The following SIK3 variants were observed in gnomAD, a reference collection of about 807,000 sequenced individuals.
The protein encoded by SIK3 is SIK family kinase 3.
Under a neutral mutation model 144.2 loss-of-function variants are expected in SIK3, and 28 were observed. The observed-to-expected ratio is 0.19, with a 90% CI of 0.14 to 0.27. The LOEUF is 0.27. Among genes scored for constraint, SIK3 ranks in the 10% least tolerant of loss-of-function variants. The pLI is 1.00. For synonymous variants in SIK3, 686 were observed against 676.3 expected (o/e 1.01, Z -0.22); for missense variants, 1,319 against 1,776.0 (o/e 0.74, Z 4.62).
At chr11:116,983,555 A>G (rs1370698417) in intron 1 of SIK3, among the ~76,000 whole-genome samples, 1 of 152,160 alleles carries the variant, frequency 6.6e-6, no homozygotes, top group Non-Finnish European at 1.5e-5. Flanking sequence ...AATAATTTCA[A>G]GAATACATCT....
intron 1 of SIK3, among the ~76,000 whole-genome samples, chr11:117,013,870 A>AG (rs142285414): frequency 0.086 from 9,165 of 106,018 alleles, 705 homozygotes; most frequent in African/African-American, 0.2. Flanking sequence ...GGTCCCCAAA[A>AG]GGACATGGAT....
chr11:117,055,319 A>C (rs1056073755), intron 1 of SIK3, among the ~76,000 whole-genome samples: 1 of 152,228 alleles, frequency 6.6e-6, no homozygotes, highest in Non-Finnish European at 1.5e-5. Context: ...TTAAGCACTT[A>C]GTGTACATGA....
chr11:117,064,604 C>T (rs1953929446), intron 1 of SIK3, among the ~76,000 whole-genome samples: 1 of 152,120 alleles, frequency 6.6e-6, no homozygotes, highest in Non-Finnish European at 1.5e-5. Context: ...CATAATTCTC[C>T]ACTGCTGCCT....
chr11:117,043,267 AAC>A (rs1345425743), intron 1 of SIK3, among the ~76,000 whole-genome samples: 2 of 152,166 alleles, frequency 1.3e-5, no homozygotes, highest in African/African-American at 4.8e-5. Flanking sequence ...TAAAAAAGGA[AAC>A]AGAGTAGTTT....
intron 1 of SIK3, among the ~76,000 whole-genome samples, chr11:116,970,745 G>A (rs1405636507): frequency 6.6e-6 from 1 of 152,078 alleles, no homozygotes; most frequent in East Asian, 1.9e-4. Flanking sequence ...CAAACTCCTG[G>A]CCTCAAGAGA....
chr11:117,032,683 T>C (rs1952316128), intron 1 of SIK3, among the ~76,000 whole-genome samples: 3 of 151,604 alleles, frequency 2.0e-5, no homozygotes, highest in Non-Finnish European at 1.5e-5. Context: ...TCTTTTTTTT[T>C]TTTTTTTAAA....
chr11:116,943,585 C>G (rs780500750), intron 3 of SIK3, among the ~76,000 whole-genome samples: 5 of 152,186 alleles, frequency 3.3e-5, no homozygotes, highest in Non-Finnish European at 5.9e-5. Context: ...AAGACACTCA[C>G]CGAAACCTAG....
At chr11:116,942,254 C>T (rs1416113427) in intron 3 of SIK3, among the ~76,000 whole-genome samples, 2 of 152,152 alleles carry the variant, frequency 1.3e-5, no homozygotes, top group African/African-American at 2.4e-5. Context: ...TTAGACACTA[C>T]ATTAAACAAG....
In SIK3 at chr11:116,858,639, C is replaced by A; in HGVS notation, c.2826G>T (p.Leu942=). ...NYDQAHLHPH[L]FSDQSRGSPS... ...GGGAACCCCGGGACTGGTCCGAAAACAGATGGGGGTGTAAATGCGCCTGGT... is the reference window on the plus strand; with the variant it reads ...GGGAACCCCGGGACTGGTCCGAAAAAAGATGGGGGTGTAAATGCGCCTGGT... The change falls in exon 21 of 25, where the codon CTG becomes CTT. Residue 942 remains leucine (L), a synonymous_variant. Coordinates refer to ENST00000445177, the MANE Select transcript of SIK3 (RefSeq NM_001366686.3). This position sits in a 1 kb window ranked among gnomAD's most constrained non-coding sequence, Gnocchi z 5.4. The A allele has an allele frequency of 6.3e-7, 1 of 1,591,496 alleles. No individual in the cohort carries two copies. Among genetic ancestry groups the A allele is most frequent in the South Asian group, 1.1e-5 (1 of 87,942 alleles).
chr11:117,031,687 ATTTTTTTTTTT>A (rs57524562), intron 1 of SIK3, among the ~76,000 whole-genome samples: 42 of 81,532 alleles, frequency 5.2e-4, no homozygotes, highest in South Asian at 1.1e-3. Flanking sequence ...CACCCGGCTA[ATTTTTTTTTTT>A]TTTTTTTTTT....
intron 4 of SIK3, among the ~76,000 whole-genome samples, chr11:116,910,117 A>G (rs1946258899): frequency 6.6e-6 from 1 of 152,212 alleles, no homozygotes; most frequent in African/African-American, 2.4e-5. Context: ...CACACTAATA[A>G]CTATTTCTCA....
At chr11:117,048,371 TCCAGGCTGG>T (rs1464499024) in intron 1 of SIK3, among the ~76,000 whole-genome samples, 3 of 152,212 alleles carry the variant, frequency 2.0e-5, no homozygotes, top group African/African-American at 7.2e-5. Flanking sequence ...ATTAAAACTT[TCCAGGCTGG>T]ACGCGGTGGC....
At chr11:116,869,837 A>G in intron 14 of SIK3, 1 of 286,546 alleles carries the variant, frequency 3.5e-6, no homozygotes, top group Non-Finnish European at 6.9e-6. Context: ...TCTCTTTTTC[A>G]ATATCTCTTT....
At chr11:117,031,589 T>C (rs1279673468) in intron 1 of SIK3, among the ~76,000 whole-genome samples, 1 of 151,600 alleles carries the variant, frequency 6.6e-6, no homozygotes, top group African/African-American at 2.4e-5. Context: ...TGGCGCGATC[T>C]TGGCTCACTG....
intron 1 of SIK3, among the ~76,000 whole-genome samples, chr11:117,051,021 C>T (rs928029172): frequency 1.3e-5 from 2 of 152,110 alleles, no homozygotes; most frequent in African/African-American, 4.8e-5. Flanking sequence ...GGTATTTCTG[C>T]AAGAGATTAG....
chr11:117,088,094 G>A (rs1216952714), intron 1 of SIK3, among the ~76,000 whole-genome samples: 2 of 152,056 alleles, frequency 1.3e-5, no homozygotes, highest in Non-Finnish European at 2.9e-5. Context: ...AAAATTAGCT[G>A]GGCATGGTGG....
intron 1 of SIK3, among the ~76,000 whole-genome samples, chr11:116,989,199 T>C (rs1392114428): frequency 6.6e-6 from 1 of 152,144 alleles, no homozygotes; most frequent in Non-Finnish European, 1.5e-5. Context: ...CCTTCCACTT[T>C]TTTTTTTCCC....
chr11:116,916,956 T>G (rs532593696), intron 4 of SIK3, among the ~76,000 whole-genome samples: 5 of 150,500 alleles, frequency 3.3e-5, no homozygotes, highest in African/African-American at 1.2e-4. Flanking sequence ...AGTAAAAAAT[T>G]TTATTGTTTT....
In SIK3 at chr11:116,849,376, G is replaced by C. The variant is rs1417776855; in HGVS notation, c.3656-93C>G. The C allele has an allele frequency of 2.1e-6, 3 of 1,449,198 alleles. No homozygotes were observed. Among genetic ancestry groups the C allele is most frequent in the Non-Finnish European group, 2.8e-6 (3 of 1,053,840 alleles). 89.8% of individuals were successfully genotyped at this position (1,449,198 alleles called of 1,614,324 possible). Reference sequence around the variant, plus strand: ...AGAAATGTCTTGCAAGGGACAATGGGCAAGGCTGAGGAGATCATGTACACC... The same window carrying C: ...AGAAATGTCTTGCAAGGGACAATGGCCAAGGCTGAGGAGATCATGTACACC... On this transcript the variant is annotated intron_variant, in intron 21 of 24. Transcript: ENST00000445177. The surrounding 1 kb of genome is among the most constrained non-coding windows in gnomAD (Gnocchi z 4.2).
Sources: gnomAD v4.1 joint callset for allele counts (sites outside exome capture counted in the v4.1 genomes callset) on GRCh38, gnomAD v4.1.1 for gene constraint, Gnocchi (gnomAD v3.1) non-coding constraint, MANE v1.5 for transcripts, NCBI Gene and HGNC (gene_info 2026-07-23, HGNC 2026-07-21) for gene names.